Variants in RPGRIP1L observed in about 807,000 individuals in gnomAD.
RPGRIP1L encodes RPGRIP1 like.
In RPGRIP1L, 131 loss-of-function variants were observed where a neutral mutation model predicts 160.4. The observed-to-expected ratio is 0.82, with a 90% CI of 0.71 to 0.94. The LOEUF is 0.94. RPGRIP1L is among the 40% of genes least tolerant of loss of function. The pLI, the probability that RPGRIP1L is intolerant of heterozygous loss-of-function variation, is 0.00. For synonymous variants in RPGRIP1L, 510 were observed against 515.8 expected, an observed-to-expected ratio of 0.99 and a Z score of 0.15; for missense variants, 1,522 against 1,535.8, an observed-to-expected ratio of 0.99 and a Z score of 0.15.
rs762975431 is a variant in RPGRIP1L at position 53,619,161 on chromosome 16, A to C, written c.3480T>G (p.Asp1160Glu). Residue 1160 changes from aspartate (D) to glutamate (E), a missense_variant, in exon 24 of 27, where the codon GAT becomes GAG. Transcript: ENST00000647211. ...TAGTGTCATCCATGGTTACTTGAGA[A>C]TCATTAAGGCTTAGAGCTATGATCT... ...RIEIIALSLN[D>E]SQVTMDDTIQ... 9 of 1,613,918 alleles carry C rather than the reference A, an allele frequency of 5.6e-6. No individual in the cohort carries two copies. The East Asian group carries it at 2.0e-4, about 36-fold the overall frequency.
intron 10 of RPGRIP1L, among the ~76,000 whole-genome samples, chr16:53,660,223 T>G (rs1967655596): frequency 6.6e-6 from 1 of 152,190 alleles, no homozygotes; most frequent in Admixed American, 6.6e-5. Flanking sequence ...GTTGACTCCC[T>G]GTGGACTAAC....
At chr16:53,652,265 G>C (rs1444073185) in intron 15 of RPGRIP1L, among the ~76,000 whole-genome samples, 1 of 152,098 alleles carries the variant, frequency 6.6e-6, no homozygotes, top group African/African-American at 2.4e-5. Context: ...TAGAGACGGG[G>C]TTTTGCTGTA....
At position 53,658,832 on chromosome 16, in the gene RPGRIP1L, C is replaced by G; in HGVS notation, c.1290G>C (p.Gln430His). ...CAAGTTGTTGCTTTTGTTCCAGATA[C>G]TGTAACTGTAGTTCTCTATTCTCTT... ...LVQENRELQL[Q>H]YLEQKQQLDE... Residue 430 changes from glutamine to histidine, a missense_variant, in exon 11 of 27, where the codon CAG (glutamine) becomes CAC (histidine). By Grantham distance (24) the Gln-to-His change is conservative. Coordinates refer to ENST00000647211, the MANE Select transcript of RPGRIP1L (RefSeq NM_015272.5). 1 of 1,608,834 alleles carries G rather than the reference C, an allele frequency of 6.2e-7. No homozygotes were observed. Among genetic ancestry groups the G allele is most frequent in the Non-Finnish European group, 8.5e-7 (1 of 1,176,668 alleles).
At chr16:53,637,950 T>C (rs1351281339) in intron 20 of RPGRIP1L, 96 bp from the exon 21 acceptor site, 2 of 1,261,670 alleles carry the variant, frequency 1.6e-6, no homozygotes, top group African/African-American at 3.0e-5. Context: ...GCATGTAAAT[T>C]TGAGACTTAA....
rs1361466542 is a variant in RPGRIP1L, at chr16:53,657,543, C to T, written c.1491G>A (p.Glu497=). 2 of 1,608,296 alleles carry T rather than the reference C, an allele frequency of 1.2e-6. No individual in the cohort carries two copies. The highest frequency in any genetic ancestry group is 1.7e-6 in the Non-Finnish European group (2 of 1,175,062). The change falls in exon 13 of 27, where the codon GAG becomes GAA. Residue 497 remains glutamate (E), a synonymous_variant. Transcript: ENST00000647211. ...INKDLERSMR[E]LQATHAETVQ... is the part of the protein sequence containing the mutation. ...CCGTTTCTGCATGAGTTGCTTGCAG[C>T]TCTCTCATAGAGCGTTCTAGATCTT...
intron 16 of RPGRIP1L, among the ~76,000 whole-genome samples, chr16:53,646,376 G>C (rs575896580): frequency 1.3e-5 from 2 of 152,274 alleles, no homozygotes; most frequent in African/African-American, 4.8e-5. Context: ...CGCCCACCCA[G>C]AGTAATGATT....
intron 22 of RPGRIP1L, among the ~76,000 whole-genome samples, chr16:53,625,434 G>A (rs1365767993): frequency 5.5e-5 from 8 of 146,258 alleles, no homozygotes; most frequent in African/African-American, 2.0e-4. Flanking sequence ...GGGGGGTGGG[G>A]TGGGGGGTGC....
Position 53,599,350 on chromosome 16 carries a change from G to A in RPGRIP1L, c.*2726C>T, listed in dbSNP as rs896588898. 1 of 152,202 alleles carries A rather than the reference G, an allele frequency of 6.6e-6. No homozygotes were observed. The highest frequency in any genetic ancestry group is 1.5e-5 in the Non-Finnish European group (1 of 68,038). The allele number at this position is 152,202 out of a possible 1,614,324, so 9.4% of individuals were successfully genotyped here. On this transcript the variant is annotated 3_prime_UTR_variant, in exon 27 of 27. Coordinates refer to ENST00000647211, the MANE Select transcript of RPGRIP1L (RefSeq NM_015272.5). Reference sequence around the variant, plus strand: ...AATTTAGAAAACATGGTGAAACTGAGAGTGAAGAGAAATGTTCTTTACGTA... The same window carrying A: ...AATTTAGAAAACATGGTGAAACTGAAAGTGAAGAGAAATGTTCTTTACGTA...
Position 53,671,559 on chromosome 16 carries a change from C to G in RPGRIP1L, c.1054G>C (p.Glu352Gln). The change falls in exon 9 of 27, where the codon GAA (glutamate) becomes CAA (glutamine). Residue 352 changes from glutamate to glutamine, a missense_variant. Physicochemically the swap from Glu to Gln is conservative, Grantham distance 29. Coordinates refer to ENST00000647211, the MANE Select transcript of RPGRIP1L (RefSeq NM_015272.5). ...EELQDRINDLEKERELLKENY... is the reference protein window; with the variant it reads ...EELQDRINDLQKERELLKENY... Reference sequence around the variant, plus strand: ...TCCTTTAAAAGTTCCCGTTCCTTTTCTAAATCATTAATTCTATCCTGCAGC... The same window carrying G: ...TCCTTTAAAAGTTCCCGTTCCTTTTGTAAATCATTAATTCTATCCTGCAGC... 6.4e-7 allele frequency: 1 copy of G among 1,563,704 alleles called. No homozygotes were observed. Among genetic ancestry groups the G allele is most frequent in the East Asian group, 2.3e-5 (1 of 44,324 alleles).
intron 3 of RPGRIP1L, among the ~76,000 whole-genome samples, chr16:53,692,827 AT>A (rs1337006425): frequency 6.6e-6 from 1 of 152,238 alleles, no homozygotes; most frequent in Non-Finnish European, 1.5e-5. Flanking sequence ...AAGACACACT[AT>A]AAATATAAAA....
At chr16:53,630,311 C>CA (rs1452833143) in intron 22 of RPGRIP1L, among the ~76,000 whole-genome samples, 1 of 152,136 alleles carries the variant, frequency 6.6e-6, no homozygotes, top group Non-Finnish European at 1.5e-5. Context: ...TGGACTTCCT[C>CA]AAGTGTTAGG....
intron 25 of RPGRIP1L, 43 bp from the exon 26 acceptor site, chr16:53,605,657 G>T (rs778196735): frequency 1.9e-6 from 3 of 1,609,926 alleles, no homozygotes; most frequent in East Asian, 2.2e-5. Context: ...CAAGTGAGAA[G>T]AAATCACCAC....
intron 22 of RPGRIP1L, among the ~76,000 whole-genome samples, chr16:53,625,853 T>G (rs913175050): frequency 6.6e-6 from 1 of 152,074 alleles, no homozygotes; most frequent in Non-Finnish European, 1.5e-5. Flanking sequence ...CCCAACCCCG[T>G]GCTCTCTGAA....
chr16:53,695,240 T>C (rs1250359834), intron 3 of RPGRIP1L: 5 of 667,466 alleles, frequency 7.5e-6, no homozygotes, highest in East Asian at 2.7e-5. Flanking sequence ...TGTGGGATAA[T>C]GGTCAGAAAA....
intron 22 of RPGRIP1L, among the ~76,000 whole-genome samples, chr16:53,632,127 T>C (rs1489236657): frequency 6.6e-6 from 1 of 152,234 alleles, no homozygotes; most frequent in Non-Finnish European, 1.5e-5. Context: ...GTAGAAGTAC[T>C]GGGAAATCTG....
At chr16:53,692,491 G>A (rs1439941193) in intron 3 of RPGRIP1L, 127 bp from the exon 4 acceptor site, 2 of 885,378 alleles carry the variant, frequency 2.3e-6, no homozygotes, top group Non-Finnish European at 3.6e-6. Flanking sequence ...AGGTTTTGAT[G>A]TAACTATTAC....
intron 6 of RPGRIP1L, among the ~76,000 whole-genome samples, chr16:53,678,083 T>A (rs182428089): frequency 2.0e-5 from 3 of 152,026 alleles, no homozygotes; most frequent in Admixed American, 2.0e-4. Flanking sequence ...TCATCAAGGA[T>A]TTTGAAAAAG....
rs912341166 is a variant in RPGRIP1L at position 53,599,195 on chromosome 16, T to A, written c.*2881A>T. The A allele has an allele frequency of 2.0e-5, 3 of 152,230 alleles. No individual in the cohort carries two copies. Among genetic ancestry groups the A allele is most frequent in the African/African-American group, 7.2e-5 (3 of 41,458 alleles). The allele number at this position is 152,230 out of a possible 1,614,324, so 9.4% of individuals were successfully genotyped here. On this transcript the variant is annotated 3_prime_UTR_variant, in exon 27 of 27. Coordinates refer to ENST00000647211, the MANE Select transcript of RPGRIP1L (RefSeq NM_015272.5). ...GTCTTCATAACACATAGAAATTATT[T>A]GTGTTTTGTGGTAACGAATGAATGG... is the stretch of plus-strand genomic sequence containing the variant.
At chr16:53,603,013 A>G (rs1477096) in intron 26 of RPGRIP1L, among the ~76,000 whole-genome samples, 58,219 of 152,078 alleles carry the variant, frequency 0.38, 12,961 homozygotes, top group African/African-American at 0.6. Flanking sequence ...GAGTATATGT[A>G]GGATTTTCTT....
Sources: allele counts gnomAD v4.1 joint callset (sites outside exome capture counted in the v4.1 genomes callset), GRCh38; gene constraint gnomAD v4.1.1; transcripts MANE v1.5; gene names NCBI Gene and HGNC (gene_info 2026-07-23, HGNC 2026-07-21).